GALNT17: variants seen among roughly 807,000 people sequenced by gnomAD.
GALNT17 encodes polypeptide N-acetylgalactosaminyltransferase 17, also known as UDP-GalNAc:polypeptide N-acetylgalactosaminyltransferase-like 3.
In GALNT17, 29 loss-of-function variants were observed where a neutral mutation model predicts 63.7. The observed-to-expected ratio is 0.46, with a 90% CI of 0.34 to 0.62. The LOEUF (loss-of-function observed/expected upper bound fraction) is 0.62, where lower values mean the gene tolerates loss of function less well. GALNT17 is among the 20% of genes least tolerant of loss of function. The pLI is 0.01. For missense variants in GALNT17, 603 were observed against 799.6 expected (o/e 0.75, Z 2.97); for synonymous variants, 305 against 318.3 (o/e 0.96, Z 0.45).
intron 9 of GALNT17, among the ~76,000 whole-genome samples, chr7:71,695,235 C>G (rs1364877878): frequency 6.6e-6 from 1 of 152,206 alleles, no homozygotes; most frequent in African/African-American, 2.4e-5. Context: ...GACCCTGCCT[C>G]CATCAGAACT....
chr7:71,391,231 G>A (rs565006061), intron 3 of GALNT17, among the ~76,000 whole-genome samples: 7 of 152,306 alleles, frequency 4.6e-5, no homozygotes, highest in Admixed American at 2.0e-4. Context: ...AGAGGAGCAT[G>A]AACTGCAGAT....
intron 3 of GALNT17, among the ~76,000 whole-genome samples, chr7:71,395,289 G>A (rs868030507): frequency 1.3e-5 from 2 of 152,040 alleles, no homozygotes; most frequent in Non-Finnish European, 2.9e-5. Flanking sequence ...TTTCTGTTAC[G>A]ATAAATTTGC....
intron 6 of GALNT17, among the ~76,000 whole-genome samples, chr7:71,639,490 G>A (rs1337772405): frequency 6.6e-6 from 1 of 152,132 alleles, no homozygotes; most frequent in Non-Finnish European, 1.5e-5. Flanking sequence ...TCTCTATTTT[G>A]CCTTCAGAGG....
At chr7:71,566,509 C>T (rs73702211) in intron 5 of GALNT17, among the ~76,000 whole-genome samples, 204 of 152,172 alleles carry the variant, frequency 1.3e-3, no homozygotes, top group African/African-American at 4.7e-3. Context: ...GAGCTAACGC[C>T]GAGGACATCT....
At chr7:71,192,641 C>G (rs1788973519) in intron 1 of GALNT17, among the ~76,000 whole-genome samples, 1 of 152,132 alleles carries the variant, frequency 6.6e-6, no homozygotes, top group African/African-American at 2.4e-5. Context: ...TGTGAGCCAC[C>G]CACCTTGGCC....
chr7:71,246,115 G>GTTTTTTT (rs61447370), intron 1 of GALNT17, among the ~76,000 whole-genome samples: 21 of 91,998 alleles, frequency 2.3e-4, no homozygotes, highest in African/African-American at 6.9e-4. Flanking sequence ...TTTTTTCGTT[G>GTTTTTTT]TTTTTTTTTT....
At chr7:71,373,426 T>A (rs1792663363) in intron 2 of GALNT17, among the ~76,000 whole-genome samples, 2 of 152,122 alleles carry the variant, frequency 1.3e-5, no homozygotes, top group South Asian at 4.1e-4. Flanking sequence ...TGACCATGCC[T>A]CTTGTCTGCC....
At chr7:71,497,736 G>A (rs964257989) in intron 5 of GALNT17, among the ~76,000 whole-genome samples, 7 of 152,172 alleles carry the variant, frequency 4.6e-5, no homozygotes, top group African/African-American at 9.7e-5. Context: ...GGTTCATGAC[G>A]TCCACTGCTG....
chr7:71,370,001 C>A (rs1792592383), intron 2 of GALNT17, among the ~76,000 whole-genome samples: 1 of 152,020 alleles, frequency 6.6e-6, no homozygotes, highest in Admixed American at 6.5e-5. Context: ...CTAGAGGAAG[C>A]AATTGGCCAT....
At chr7:71,649,017 T>C (rs1790719379) in intron 6 of GALNT17, among the ~76,000 whole-genome samples, 1 of 152,222 alleles carries the variant, frequency 6.6e-6, no homozygotes, top group African/African-American at 2.4e-5. Context: ...TTTAGGGTCC[T>C]CTTCATCCTC....
intron 1 of GALNT17, among the ~76,000 whole-genome samples, chr7:71,288,252 A>G (rs1790913514): frequency 6.6e-6 from 1 of 151,322 alleles, no homozygotes; most frequent in African/African-American, 2.4e-5. Flanking sequence ...AAACGAAGAG[A>G]AAATCCATGT....
At chr7:71,652,021 G>A (rs1014528285) in intron 6 of GALNT17, among the ~76,000 whole-genome samples, 2 of 152,144 alleles carry the variant, frequency 1.3e-5, no homozygotes, top group Non-Finnish European at 2.9e-5. Context: ...TTTTAAAATG[G>A]TGAAAATAAA....
At chr7:71,147,414 T>C (rs1309099430) in intron 1 of GALNT17, among the ~76,000 whole-genome samples, 1 of 152,050 alleles carries the variant, frequency 6.6e-6, no homozygotes, top group Admixed American at 6.6e-5. Flanking sequence ...TCTGCCTGCT[T>C]TATATTCAGC....
chr7:71,606,194 G>A (rs907512693), intron 6 of GALNT17, among the ~76,000 whole-genome samples: 1 of 149,830 alleles, frequency 6.7e-6, no homozygotes, highest in Non-Finnish European at 1.5e-5. Flanking sequence ...GGCTCAAGCA[G>A]TCTGCCTGCC....
At chr7:71,377,729 G>A (rs1445553161) in intron 2 of GALNT17, among the ~76,000 whole-genome samples, 1 of 152,178 alleles carries the variant, frequency 6.6e-6, no homozygotes, top group Admixed American at 6.5e-5. Context: ...GAGGGATGGA[G>A]GTGATTGGAT....
intron 2 of GALNT17, among the ~76,000 whole-genome samples, chr7:71,337,049 T>C (rs1004696810): frequency 2.0e-5 from 3 of 152,170 alleles, no homozygotes; most frequent in African/African-American, 7.2e-5. Flanking sequence ...TGAAATGGTA[T>C]CTCATTATGG....
chr7:71,167,839 G>T (rs147754991), intron 1 of GALNT17, among the ~76,000 whole-genome samples: 1 of 152,238 alleles, frequency 6.6e-6, no homozygotes, highest in East Asian at 1.9e-4. Flanking sequence ...ACAGGCGTGC[G>T]CCACGATGCT....
At chr7:71,616,307 C>A (rs1294615193) in intron 6 of GALNT17, among the ~76,000 whole-genome samples, 2 of 152,008 alleles carry the variant, frequency 1.3e-5, no homozygotes, top group Admixed American at 6.6e-5. Flanking sequence ...CTCTCAGAGA[C>A]TTGATTGCTT....
At chr7:71,500,643 C>A (rs1342261165) in intron 5 of GALNT17, among the ~76,000 whole-genome samples, 1 of 152,220 alleles carries the variant, frequency 6.6e-6, no homozygotes, top group African/African-American at 2.4e-5. Flanking sequence ...GTCCTCCAAG[C>A]ATCCTTTGCT....
Sources: allele counts gnomAD v4.1 joint callset (sites outside exome capture counted in the v4.1 genomes callset), GRCh38; gene constraint gnomAD v4.1.1; transcripts MANE v1.5; gene names NCBI Gene and HGNC (gene_info 2026-07-23, HGNC 2026-07-21).